Variants in SSBP3 observed in about 807,000 individuals in gnomAD.
SSBP3 encodes single-stranded DNA-binding protein 3.
A neutral mutation model predicts 69.6 loss-of-function variants in SSBP3; 5 were observed. The observed-to-expected ratio is 0.07, with a 90% CI of 0.04 to 0.15. The LOEUF is 0.15. SSBP3 is among the 10% of genes least tolerant of loss of function. SSBP3 has a pLI of 1.00. For missense variants in SSBP3, 312 were observed against 534.0 expected, an observed-to-expected ratio of 0.58 and a Z score of 4.10; for synonymous variants, 196 against 193.4, an observed-to-expected ratio of 1.01 and a Z score of -0.11.
Position 54,342,810 on chromosome 1 carries a change from C to T in SSBP3, c.276+59051G>A, listed in dbSNP as rs1176285628. Among the ~76,000 whole-genome samples, 3 of 152,168 alleles carry T rather than the reference C, an allele frequency of 2.0e-5. No individual in the cohort carries two copies. In the East Asian group the frequency reaches 5.8e-4, roughly 29 times the overall value. On this transcript the variant is annotated intron_variant, in intron 4 of 17. Coordinates refer to ENST00000610401, the Ensembl canonical transcript of SSBP3. The stretch of plus-strand genomic sequence containing the variant: ...CTGGCACACCCTGGGCAGGACCCTT[C>T]CCCGAGTCTCCCACACCCCAGCCCT...
At chr1:54,279,619 C>T (rs560034784) in intron 5 of SSBP3, among the ~76,000 whole-genome samples, 4 of 152,220 alleles carry the variant, frequency 2.6e-5, no homozygotes, top group East Asian at 1.9e-4. Flanking sequence ...CCACCAGACA[C>T]GGAAGCCACA....
At chr1:54,311,046 T>C (rs1312886158) in intron 4 of SSBP3, among the ~76,000 whole-genome samples, 3 of 152,204 alleles carry the variant, frequency 2.0e-5, no homozygotes, top group Non-Finnish European at 4.4e-5. Context: ...CACACATGCT[T>C]GGGTCTATTT....
At chr1:54,345,140 G>C (rs1646668918) in intron 4 of SSBP3, among the ~76,000 whole-genome samples, 1 of 152,148 alleles carries the variant, frequency 6.6e-6, no homozygotes, top group African/African-American at 2.4e-5. Context: ...TGGCCAGCAG[G>C]CTCAGTCTCA....
chr1:54,408,855 C>T (rs755151129), upstream of SSBP3, among the ~76,000 whole-genome samples: 1 of 152,162 alleles, frequency 6.6e-6, no homozygotes, highest in Non-Finnish European at 1.5e-5. Flanking sequence ...CAGCCCTTTG[C>T]TGGAACTTGA....
intron 4 of SSBP3, among the ~76,000 whole-genome samples, chr1:54,299,777 A>G (rs1645767980): frequency 6.6e-6 from 1 of 151,996 alleles, no homozygotes; most frequent in Non-Finnish European, 1.5e-5. Context: ...GCCTTAATCT[A>G]CTTCTTTCTC....
At chr1:54,373,304 G>A (rs375089346) in intron 4 of SSBP3, among the ~76,000 whole-genome samples, 8 of 152,170 alleles carry the variant, frequency 5.3e-5, no homozygotes, top group African/African-American at 1.7e-4. Flanking sequence ...TCAATCAAGC[G>A]GCCTCTTCCC....
At chr1:54,347,984 A>G (rs901179207) in intron 4 of SSBP3, among the ~76,000 whole-genome samples, 5 of 152,066 alleles carry the variant, frequency 3.3e-5, no homozygotes, top group African/African-American at 1.2e-4. Flanking sequence ...CAAGGCTCTC[A>G]ACACTCTCAG....
At chr1:54,316,324 CAG>C (rs1453310154) in intron 4 of SSBP3, among the ~76,000 whole-genome samples, 1 of 147,590 alleles carries the variant, frequency 6.8e-6, no homozygotes, top group Non-Finnish European at 1.5e-5. Flanking sequence ...GCCTGGACGA[CAG>C]AGCGAGACTC....
chr1:54,337,848 G>T (rs1308336852), intron 4 of SSBP3, among the ~76,000 whole-genome samples: 3 of 152,092 alleles, frequency 2.0e-5, no homozygotes, highest in African/African-American at 7.2e-5. Context: ...ATAAAATCTG[G>T]CTGAGCATGG....
At chr1:54,353,631 T>C (rs181726493) in intron 4 of SSBP3, among the ~76,000 whole-genome samples, 34 of 152,264 alleles carry the variant, frequency 2.2e-4, no homozygotes, top group Admixed American at 9.2e-4. Context: ...ACATGCTCCA[T>C]GGAAGTCAGA....
At chr1:54,233,508 C>T (rs371615076) in intron 14 of SSBP3, among the ~76,000 whole-genome samples, 1 of 149,474 alleles carries the variant, frequency 6.7e-6, no homozygotes, top group Non-Finnish European at 1.5e-5. Flanking sequence ...GCCCCCCGCC[C>T]GGCCAGCCGC....
intron 4 of SSBP3, among the ~76,000 whole-genome samples, chr1:54,359,515 G>GT (rs1320401454): frequency 5.4e-4 from 82 of 152,260 alleles, no homozygotes; most frequent in African/African-American, 1.9e-3. Flanking sequence ...TTCCTACAGA[G>GT]GACATGGAAA....
intron 4 of SSBP3, among the ~76,000 whole-genome samples, chr1:54,332,312 G>C (rs545089047): frequency 2.1e-4 from 32 of 152,324 alleles, no homozygotes; most frequent in African/African-American, 7.7e-4. Flanking sequence ...CTGCAGGAGA[G>C]GCAGCAACAG....
At chr1:54,243,430 A>G (rs1173453306) in intron 9 of SSBP3, 131 bp from the exon 10 acceptor site, 3 of 1,169,210 alleles carry the variant, frequency 2.6e-6, no homozygotes, top group Non-Finnish European at 3.8e-6. Context: ...AAAATAATAC[A>G]TTCTTTCAAA....
chr1:54,375,020 T>C (rs1647194540), intron 4 of SSBP3, among the ~76,000 whole-genome samples: 1 of 152,024 alleles, frequency 6.6e-6, no homozygotes, highest in African/African-American at 2.4e-5. Context: ...TGTAACCTTA[T>C]CCTGGGGCAA....
At chr1:54,413,262 T>G (rs1198914767) in intron 1 of SSBP3, 6 of 152,146 alleles carry the variant, frequency 3.9e-5, no homozygotes, top group Non-Finnish European at 1.5e-5. Context: ...CTCTAAAAAT[T>G]TTATTAGTCA....
At chr1:54,327,315 G>GT (rs535958448) in intron 4 of SSBP3, among the ~76,000 whole-genome samples, 146 of 152,018 alleles carry the variant, frequency 9.6e-4, no homozygotes, top group Middle Eastern at 3.4e-3. Context: ...AAAAAAACAG[G>GT]TAAGGGCCAA....
intron 4 of SSBP3, among the ~76,000 whole-genome samples, chr1:54,318,201 A>T (rs1646148766): frequency 6.6e-6 from 1 of 152,190 alleles, no homozygotes; most frequent in Non-Finnish European, 1.5e-5. Context: ...TCCAAGGATG[A>T]CATTTAACCA....
At chr1:54,377,281 C>T (rs576879134) in intron 4 of SSBP3, among the ~76,000 whole-genome samples, 1 of 152,370 alleles carries the variant, frequency 6.6e-6, no homozygotes, top group African/African-American at 2.4e-5. Context: ...GGTCTGCCTC[C>T]AGGCCCTGCC....
Sources: allele counts gnomAD v4.1 joint callset (sites outside exome capture counted in the v4.1 genomes callset), GRCh38; gene constraint gnomAD v4.1.1; transcripts MANE v1.5; gene names NCBI Gene and HGNC (gene_info 2026-07-23, HGNC 2026-07-21).